GPC5: variants seen among roughly 807,000 people sequenced by gnomAD.
The protein encoded by GPC5 is glypican-5.
GPC5 carries 47 observed loss-of-function variants against 53.9 expected under a neutral mutation model. That is an observed-to-expected ratio of 0.87 (90% CI 0.69 to 1.11). The LOEUF (loss-of-function observed/expected upper bound fraction) is 1.11. GPC5 is among the 50% of genes most tolerant of loss of function. GPC5 has a pLI of 0.00. For synonymous variants in GPC5, 286 were observed against 263.3 expected (o/e 1.09, Z -0.84); for missense variants, 748 against 713.1 (o/e 1.05, Z -0.56).
chr13:92,229,543 T>G (rs758926874), intron 7 of GPC5, among the ~76,000 whole-genome samples: 19 of 152,138 alleles, frequency 1.2e-4, no homozygotes, highest in Admixed American at 5.2e-4. Context: ...TGAAGGTTAT[T>G]GTTCCAGAAA....
intron 3 of GPC5, among the ~76,000 whole-genome samples, chr13:91,719,107 C>T (rs1189919477): frequency 2.6e-5 from 4 of 152,086 alleles, no homozygotes. Context: ...CCTCACATCA[C>T]AGCTGCATGT....
intron 2 of GPC5, among the ~76,000 whole-genome samples, chr13:91,546,627 A>G (rs2030305051): frequency 6.6e-6 from 1 of 152,018 alleles, no homozygotes; most frequent in Non-Finnish European, 1.5e-5. Context: ...TGTGTTTTAG[A>G]AATATTTTTG....
At chr13:91,612,076 C>T (rs1474264819) in intron 2 of GPC5, among the ~76,000 whole-genome samples, 1 of 152,178 alleles carries the variant, frequency 6.6e-6, no homozygotes, top group African/African-American at 2.4e-5. Context: ...CTAGTTATCA[C>T]TCTTAGTTGT....
chr13:92,519,783 A>C (rs1206715543), intron 7 of GPC5, among the ~76,000 whole-genome samples: 23 of 152,092 alleles, frequency 1.5e-4, no homozygotes, highest in East Asian at 9.6e-4. Context: ...AAGATCAGAG[A>C]AGAACCGAAG....
intron 7 of GPC5, among the ~76,000 whole-genome samples, chr13:92,510,831 A>C (rs1271133336): frequency 6.6e-6 from 1 of 152,194 alleles, no homozygotes. Context: ...TAGCATCTCC[A>C]TTACCAAATC....
intron 7 of GPC5, among the ~76,000 whole-genome samples, chr13:92,472,107 T>G (rs1394132799): frequency 1.3e-5 from 2 of 152,108 alleles, no homozygotes; most frequent in East Asian, 3.9e-4. Flanking sequence ...AAACCATGGA[T>G]TTGGGATTCT....
At chr13:91,530,609 C>T (rs1042027063) in intron 2 of GPC5, among the ~76,000 whole-genome samples, 3 of 152,170 alleles carry the variant, frequency 2.0e-5, no homozygotes, top group African/African-American at 7.2e-5. Flanking sequence ...CCAGCACGCT[C>T]TTTTTATATC....
At chr13:91,975,289 G>A (rs1292803583) in intron 6 of GPC5, among the ~76,000 whole-genome samples, 1 of 152,234 alleles carries the variant, frequency 6.6e-6, no homozygotes, top group Non-Finnish European at 1.5e-5. Context: ...TTAAACTAAA[G>A]AGCTTCTGCA....
At chr13:92,280,377 T>G (rs2042905998) in intron 7 of GPC5, among the ~76,000 whole-genome samples, 1 of 152,190 alleles carries the variant, frequency 6.6e-6, no homozygotes, top group Admixed American at 6.5e-5. Flanking sequence ...CTCTATTAGT[T>G]CCTTCCTTTT....
At chr13:92,033,520 C>T (rs1467938372) in intron 6 of GPC5, among the ~76,000 whole-genome samples, 1 of 152,152 alleles carries the variant, frequency 6.6e-6, no homozygotes, top group African/African-American at 2.4e-5. Flanking sequence ...AGACAGATTG[C>T]CACTTCCTTT....
At chr13:92,119,497 TC>T (rs1460071242) in intron 6 of GPC5, among the ~76,000 whole-genome samples, 2 of 140,842 alleles carry the variant, frequency 1.4e-5, no homozygotes, top group East Asian at 4.2e-4. Context: ...CCCCCGGGGT[TC>T]ACACCATTCT....
intron 6 of GPC5, among the ~76,000 whole-genome samples, chr13:92,087,228 T>C (rs1253494788): frequency 1.3e-5 from 2 of 152,222 alleles, no homozygotes; most frequent in African/African-American, 4.8e-5. Flanking sequence ...GTATCAGCAA[T>C]GTGTCTCAGA....
chr13:92,573,517 C>G (rs1191775047), intron 7 of GPC5, among the ~76,000 whole-genome samples: 1 of 152,012 alleles, frequency 6.6e-6, no homozygotes, highest in Non-Finnish European at 1.5e-5. Flanking sequence ...TGCCTCTCAG[C>G]TTTTAATTCA....
At chr13:92,626,743 G>A (rs1216206398) in intron 7 of GPC5, among the ~76,000 whole-genome samples, 1 of 151,956 alleles carries the variant, frequency 6.6e-6, no homozygotes, top group Admixed American at 6.6e-5. Flanking sequence ...ATAATAATCA[G>A]GTATGGAAAG....
At chr13:92,358,996 G>T (rs906269999) in intron 7 of GPC5, among the ~76,000 whole-genome samples, 7 of 151,654 alleles carry the variant, frequency 4.6e-5, no homozygotes, top group African/African-American at 1.7e-4. Context: ...CCTGAATGTG[G>T]GTTTTTCTTT....
chr13:92,723,150 G>A (rs1454963792), intron 7 of GPC5, among the ~76,000 whole-genome samples: 1 of 151,468 alleles, frequency 6.6e-6, no homozygotes, highest in Non-Finnish European at 1.5e-5. Flanking sequence ...GAGATGACAG[G>A]AGAATTCGAT....
At chr13:92,695,378 A>G (rs1488851709) in intron 7 of GPC5, among the ~76,000 whole-genome samples, 1 of 152,198 alleles carries the variant, frequency 6.6e-6, no homozygotes, top group Non-Finnish European at 1.5e-5. Context: ...GTTGTTCATC[A>G]CTTATTAACA....
At chr13:92,547,823 T>TTTC (rs1475196713) in intron 7 of GPC5, among the ~76,000 whole-genome samples, 4 of 59,570 alleles carry the variant, frequency 6.7e-5, no homozygotes, top group Non-Finnish European at 1.7e-4. Context: ...ATTATTCTTT[T>TTTC]TTTTTTTTTT....
intron 3 of GPC5, among the ~76,000 whole-genome samples, chr13:91,699,184 T>G (rs2035944490): frequency 6.6e-6 from 1 of 152,194 alleles, no homozygotes; most frequent in African/African-American, 2.4e-5. Context: ...AGAGAAGAGA[T>G]TGGAATGAAT....
Sources: allele counts gnomAD v4.1 joint callset (sites outside exome capture counted in the v4.1 genomes callset), GRCh38; gene constraint gnomAD v4.1.1; transcripts MANE v1.5; gene names NCBI Gene and HGNC (gene_info 2026-07-23, HGNC 2026-07-21).